Variants in DPP8 observed in about 807,000 individuals in gnomAD.
The protein encoded by DPP8 is DPP VIII.
A neutral mutation model predicts 107.5 loss-of-function variants in DPP8; 31 were observed. The observed-to-expected ratio is 0.29, with a 90% confidence interval of 0.22 to 0.39. The LOEUF (loss-of-function observed/expected upper bound fraction) is 0.39. DPP8 is among the 10% of genes least tolerant of loss of function. The pLI is 1.00. For synonymous variants in DPP8, 381 were observed against 356.6 expected, an observed-to-expected ratio of 1.07 and a Z score of -0.77; for missense variants, 842 against 1,076.1, an observed-to-expected ratio of 0.78 and a Z score of 3.04.
At chr15:65,456,398 A>C in intron 15 of DPP8, 27 bp from the exon 16 acceptor site, 1 of 1,598,818 alleles carries the variant, frequency 6.3e-7, no homozygotes, top group Non-Finnish European at 8.5e-7. Flanking sequence ...ACTTCAGTTT[A>C]TCATATGGAA....
In DPP8 at chr15:65,443,902, T is replaced by C. The variant is rs2063392196; in HGVS notation, c.*2982A>G. ...CATTCCTGGTGTCTACCCAAATCAA[T>C]GGAATACAAATTTTTATTTATTTAT... On this transcript the variant is annotated 3_prime_UTR_variant, in exon 20 of 20. Coordinates refer to ENST00000300141, the MANE Select transcript of DPP8 (RefSeq NM_130434.5). The C allele has an allele frequency of 6.6e-6, 1 of 152,162 alleles. No homozygotes were observed. Among genetic ancestry groups the C allele is most frequent in the Non-Finnish European group, 1.5e-5 (1 of 68,024 alleles). The allele number at this position is 152,162 out of a possible 1,614,324, so 9.4% of individuals were successfully genotyped here. A position where few individuals can be genotyped will look rare whatever the true frequency, so the allele number is the denominator to read the frequency against.
intron 5 of DPP8, among the ~76,000 whole-genome samples, chr15:65,497,239 A>G (rs1209909413): frequency 6.6e-6 from 1 of 151,864 alleles, no homozygotes; most frequent in African/African-American, 2.4e-5. Context: ...CTGTTTCTCA[A>G]AAACAAAACT....
intron 15 of DPP8, among the ~76,000 whole-genome samples, chr15:65,463,422 A>G (rs1027098202): frequency 2.0e-5 from 3 of 152,112 alleles, no homozygotes; most frequent in Non-Finnish European, 4.4e-5. Flanking sequence ...TATGCCTGTA[A>G]TCCCAGCTAC....
intron 1 of DPP8, among the ~76,000 whole-genome samples, chr15:65,514,046 A>C (rs2071132826): frequency 6.6e-6 from 1 of 152,234 alleles, no homozygotes; most frequent in Non-Finnish European, 1.5e-5. Flanking sequence ...TTTAAAGCCC[A>C]AATTTGAAGG....
In DPP8 at chr15:65,490,198, C is replaced by A; in HGVS notation, c.817G>T (p.Ala273Ser). ...RYSGYWWCPK[A>S]ETTPSGGKIL... ...TTTTGAACCCCCTTACTTGTTTCAG[C>A]TTTTGGACACCACCAATAGCCAGAA... is the stretch of plus-strand genomic sequence containing the variant. Residue 273 changes from alanine (A) to serine (S), a missense_variant, in exon 6 of 20, where the codon GCT (alanine) becomes TCT (serine). Coordinates refer to ENST00000300141, the MANE Select transcript of DPP8 (RefSeq NM_130434.5). The A allele has an allele frequency of 1.9e-6, 3 of 1,587,406 alleles. No individual in the cohort carries two copies. The highest frequency in any genetic ancestry group is 2.6e-6 in the Non-Finnish European group (3 of 1,155,804).
In DPP8 at chr15:65,444,973, A is replaced by T. The variant is rs2063439627; in HGVS notation, c.*1911T>A. The T allele has an allele frequency of 1.3e-5, 2 of 152,246 alleles. No homozygotes were observed. The highest frequency in any genetic ancestry group is 2.9e-5 in the Non-Finnish European group (2 of 68,044). The allele number at this position is 152,246 out of a possible 1,614,324, so 9.4% of individuals were successfully genotyped here. Reference sequence around the variant, plus strand: ...ACTTTCTTGGGGAAGAAAGTTACCCAAATCAATTTAATTTAACATTGAAAA... The same window carrying T: ...ACTTTCTTGGGGAAGAAAGTTACCCTAATCAATTTAATTTAACATTGAAAA... On this transcript the variant is annotated 3_prime_UTR_variant, in exon 20 of 20. Transcript: ENST00000300141.
In DPP8 at chr15:65,463,910, T is replaced by G. The variant is rs755037917; in HGVS notation, c.1826-4A>C. On this transcript the variant is annotated splice_region_variant and splice_polypyrimidine_tract_variant and intron_variant, in intron 14 of 19. Coordinates refer to ENST00000300141, the MANE Select transcript of DPP8 (RefSeq NM_130434.5). ...GGAGTATAGTCAGGAAGAGGACCTG[T>G]GAATAGGTAACATAACAGAGTCTAC... 3 of 1,555,416 alleles carry G rather than the reference T, an allele frequency of 1.9e-6. No individual in the cohort carries two copies. The highest frequency in any genetic ancestry group is 2.3e-5 in the East Asian group (1 of 43,494).
At chr15:65,487,271 T>TC (rs1015052208) in intron 7 of DPP8, among the ~76,000 whole-genome samples, 1 of 152,040 alleles carries the variant, frequency 6.6e-6, no homozygotes, top group Non-Finnish European at 1.5e-5. Flanking sequence ...TGCGTCAGCC[T>TC]CCCAAGTAGC....
chr15:65,463,921 C>A lies in DPP8; in HGVS notation c.1826-15G>T. ...AGGAAGAGGACCTGTGAATAGGTAA[C>A]ATAACAGAGTCTACAAAAGAGTTCT... On this transcript the variant is annotated splice_polypyrimidine_tract_variant and intron_variant, in intron 14 of 19. Coordinates refer to ENST00000300141, the MANE Select transcript of DPP8 (RefSeq NM_130434.5). The A allele has an allele frequency of 6.5e-7, 1 of 1,532,668 alleles. No individual in the cohort carries two copies. The highest frequency in any genetic ancestry group is 8.7e-7 in the Non-Finnish European group (1 of 1,146,634). 94.9% of individuals were successfully genotyped at this position (1,532,668 alleles called of 1,614,324 possible).
chr15:65,474,383 A>G, intron 11 of DPP8, 95 bp from the exon 12 acceptor site: 2 of 914,392 alleles, frequency 2.2e-6, no homozygotes. Context: ...TTTTCCAAAA[A>G]GTTATGTTTG....
Position 65,483,384 on chromosome 15 carries a change from T to C in DPP8, c.1017+1715A>G, listed in dbSNP as rs569037288. ...TACGAAAAATAAAATTAGCGGGGCATGGTGGTGTGTGCCTGTGGTCCCAGC... is the reference window on the plus strand; with the variant it reads ...TACGAAAAATAAAATTAGCGGGGCACGGTGGTGTGTGCCTGTGGTCCCAGC... On this transcript the variant is annotated intron_variant, in intron 8 of 19. Transcript: ENST00000300141. Among the ~76,000 whole-genome samples, 13 of 151,914 alleles carry C rather than the reference T, an allele frequency of 8.6e-5. No individual in the cohort carries two copies. The East Asian group carries it at 2.5e-3, about 29-fold the overall frequency.
intron 10 of DPP8, 31 bp from the exon 11 acceptor site, chr15:65,479,070 A>G: frequency 1.4e-6 from 2 of 1,447,032 alleles, no homozygotes; most frequent in Non-Finnish European, 1.9e-6. Flanking sequence ...TTTACTATAC[A>G]TATTATGAAA....
At chr15:65,507,883 C>T (rs1784047521) in intron 2 of DPP8, among the ~76,000 whole-genome samples, 1 of 152,064 alleles carries the variant, frequency 6.6e-6, no homozygotes, top group African/African-American at 2.4e-5. Context: ...GTTTCTGAAA[C>T]ATTTAAAGTG....
At position 65,447,080 on chromosome 15, in the gene DPP8, A is replaced by G; in HGVS notation, c.2527-74T>C. On this transcript the variant is annotated intron_variant, in intron 19 of 19. Coordinates refer to ENST00000300141, the MANE Select transcript of DPP8 (RefSeq NM_130434.5). Reference sequence around the variant, plus strand: ...AATACATCTTCTTCCAAAGCTTTCCAGAGATTTTTAACAGGATTAATAATA... The same window carrying G: ...AATACATCTTCTTCCAAAGCTTTCCGGAGATTTTTAACAGGATTAATAATA... 4.9e-6 allele frequency: 6 copies of G among 1,222,028 alleles called. No individual in the cohort carries two copies. The South Asian group carries it at 6.3e-5, about 13-fold the overall frequency. 75.7% of individuals were successfully genotyped at this position (1,222,028 alleles called of 1,614,324 possible).
At chr15:65,480,863 G>C (rs549385030) in intron 9 of DPP8, among the ~76,000 whole-genome samples, 1 of 152,246 alleles carries the variant, frequency 6.6e-6, no homozygotes, top group African/African-American at 2.4e-5. Context: ...TTGGGAGGCC[G>C]AGACAAGAGG....
Position 65,503,640 on chromosome 15 carries a change from T to C in DPP8, c.373-2861A>G, listed in dbSNP as rs550938039. ...TTTTTATTTATTTATTATTATTTTT[T>C]GAGATGAAGTCTTGCTCTGTCACTC... is the stretch of plus-strand genomic sequence containing the variant. On this transcript the variant is annotated intron_variant, in intron 3 of 19. Coordinates refer to ENST00000300141, the MANE Select transcript of DPP8 (RefSeq NM_130434.5). Among the ~76,000 whole-genome samples, 193 of 151,898 alleles carry C rather than the reference T, an allele frequency of 1.3e-3. 1 individual carries two copies. The highest frequency in any genetic ancestry group is 4.4e-3 in the African/African-American group (184 of 41,426).
rs891613200 is a variant in DPP8, at chr15:65,505,652, T to C, written c.372+1591A>G. Among the ~76,000 whole-genome samples, 4 of 151,934 alleles carry C rather than the reference T, an allele frequency of 2.6e-5. No homozygotes were observed. The South Asian group carries it at 6.2e-4, about 24-fold the overall frequency. On this transcript the variant is annotated intron_variant, in intron 3 of 19. Transcript: ENST00000300141. ...CAATGTTCATGACAAATAGTTGGAG[T>C]GAAAATGATTAGTTGTGGCCAGGTG...
At chr15:65,452,927 G>A (rs185545014) in intron 17 of DPP8, among the ~76,000 whole-genome samples, 174 of 151,532 alleles carry the variant, frequency 1.1e-3, no homozygotes, top group African/African-American at 4.0e-3. Flanking sequence ...AGCCGAGATC[G>A]CACACTGCAT....
intron 14 of DPP8, among the ~76,000 whole-genome samples, chr15:65,465,399 C>T (rs926958320): frequency 6.6e-6 from 1 of 151,848 alleles, no homozygotes; most frequent in African/African-American, 2.4e-5. Flanking sequence ...AACTCCTGAT[C>T]TCAAATGATC....
Sources: allele counts gnomAD v4.1 joint callset (sites outside exome capture counted in the v4.1 genomes callset), GRCh38; gene constraint gnomAD v4.1.1; transcripts MANE v1.5; gene names NCBI Gene and HGNC (gene_info 2026-07-23, HGNC 2026-07-21).